The following TTC13 variants were observed in gnomAD, a reference collection of about 807,000 sequenced individuals.
TTC13 encodes tetratricopeptide repeat domain 13, also known as tetratricopeptide repeat protein 13.
TTC13 carries 62 observed loss-of-function variants against 120.0 expected under a neutral mutation model. That is an observed-to-expected ratio of 0.52 (90% confidence interval 0.42 to 0.64). The LOEUF (loss-of-function observed/expected upper bound fraction) is 0.64. TTC13 is among the 30% of genes least tolerant of loss of function. TTC13 has a pLI of 0.00. For missense variants in TTC13, 824 were observed against 1,050.2 expected (o/e 0.78, Z 2.98); for synonymous variants, 384 against 393.5 (o/e 0.98, Z 0.28).
In TTC13 at chr1:230,925,590, A is replaced by G; in HGVS notation, c.1515T>C (p.Cys505=). The G allele has an allele frequency of 6.2e-7, 1 of 1,614,158 alleles. No individual in the cohort carries two copies. The highest frequency in any genetic ancestry group is 8.5e-7 in the Non-Finnish European group (1 of 1,180,000). The change falls in exon 13 of 23, where the codon TGT becomes TGC. Residue 505 remains cysteine (C), a synonymous_variant. Transcript: ENST00000366661. ...SYKPEVQELI[C]VADRLGSLMQ... is the part of the protein sequence containing the mutation. ...TCAGGGATCCCAAACGATCAGCCACACAAATCAGCTCCTGTACTTCAGGCT... is the reference window on the plus strand; with the variant it reads ...TCAGGGATCCCAAACGATCAGCCACGCAAATCAGCTCCTGTACTTCAGGCT...
At chr1:230,914,811 T>C (rs1044195028) in intron 18 of TTC13, among the ~76,000 whole-genome samples, 2 of 152,218 alleles carry the variant, frequency 1.3e-5, no homozygotes, top group African/African-American at 4.8e-5. Context: ...GTAAGGCTTC[T>C]GGTCAACAGT....
rs927472760 is a variant in TTC13, at chr1:230,938,126, G to T, written c.900+1260C>A. On this transcript the variant is annotated intron_variant, in intron 8 of 22. Transcript: ENST00000366661. Reference sequence around the variant, plus strand: ...CAATAATAAAATGTCTGTTCTTTCTGCAGAATACATATCCCTGCCACACAT... The same window carrying T: ...CAATAATAAAATGTCTGTTCTTTCTTCAGAATACATATCCCTGCCACACAT... Among the ~76,000 whole-genome samples the T allele has an allele frequency of 3.3e-5, 5 of 152,202 alleles. No homozygotes were observed. In the East Asian group the frequency reaches 9.6e-4, roughly 29 times the overall value.
At position 230,909,001 on chromosome 1, in the gene TTC13, T is replaced by C. The variant is rs758413121; in HGVS notation, c.2329A>G (p.Ile777Val). 1 of 1,614,248 alleles carries C rather than the reference T, an allele frequency of 6.2e-7. No individual in the cohort carries two copies. Among genetic ancestry groups the C allele is most frequent in the Non-Finnish European group, 8.5e-7 (1 of 1,180,038 alleles). Reference sequence around the variant, plus strand: ...CCACTTGCCATCAGTGCTCCCACGATGACCGAGTAAGCAATTACACTATTT... The same window carrying C: ...CCACTTGCCATCAGTGCTCCCACGACGACCGAGTAAGCAATTACACTATTT... ...RGSSVIAYSVIVGALMASGKE... is the reference protein window; with the variant it reads ...RGSSVIAYSVVVGALMASGKE... The change falls in exon 21 of 23, where the codon ATC becomes GTC. Residue 777 changes from isoleucine to valine, a missense_variant. Coordinates refer to ENST00000366661, the MANE Select transcript of TTC13 (RefSeq NM_024525.5).
chr1:230,930,213 C>A (rs970274332), intron 11 of TTC13, among the ~76,000 whole-genome samples: 8 of 152,198 alleles, frequency 5.3e-5, no homozygotes, highest in Non-Finnish European at 1.2e-4. Flanking sequence ...AGACTTAGTA[C>A]AACAAATAAT....
In TTC13 at chr1:230,978,603, C is replaced by G. The variant is rs1420514751; in HGVS notation, c.228G>C (p.Pro76=). ...ACTGGTCCCCCCAGTCCCCGGACTG[C>G]GGGCTGCAGCCGCCGCCGCCCGCCG... ...EAPAGGGGCS[P]QSGDWGDQYS... is the part of the protein sequence containing the mutation. The change falls in exon 1 of 23, where the codon CCG becomes CCC. Residue 76 remains proline (P), a synonymous_variant. Coordinates refer to ENST00000366661, the MANE Select transcript of TTC13 (RefSeq NM_024525.5). This position sits in a 1 kb window ranked among gnomAD's most constrained non-coding sequence, Gnocchi z 5.6. 7.1e-7 allele frequency: 1 copy of G among 1,412,518 alleles called. No homozygotes were observed. The highest frequency in any genetic ancestry group is 1.5e-5 in the African/African-American group (1 of 66,948). The allele number at this position is 1,412,518 out of a possible 1,614,324, so 87.5% of individuals were successfully genotyped here.
At chr1:230,914,640 G>A (rs113709834) in intron 18 of TTC13, among the ~76,000 whole-genome samples, 222 of 152,218 alleles carry the variant, frequency 1.5e-3, no homozygotes, top group African/African-American at 3.3e-3. Flanking sequence ...TGATCCGCCC[G>A]CCTTGGGCTC....
In TTC13 at chr1:230,944,528, T is replaced by C. The variant is rs1674807145; in HGVS notation, c.580-630A>G. On this transcript the variant is annotated intron_variant, in intron 5 of 22. Coordinates refer to ENST00000366661, the MANE Select transcript of TTC13 (RefSeq NM_024525.5). The surrounding 1 kb of genome is among the most constrained non-coding windows in gnomAD (Gnocchi z 4.0). Reference sequence around the variant, plus strand: ...TCTGAGTAAAATATCATTTCCTTCCTAAGCACTTCCATCATTCCCAATTCT... The same window carrying C: ...TCTGAGTAAAATATCATTTCCTTCCCAAGCACTTCCATCATTCCCAATTCT... Among the ~76,000 whole-genome samples, 1 of 152,190 alleles carries C rather than the reference T, an allele frequency of 6.6e-6. No homozygotes were observed. The highest frequency in any genetic ancestry group is 2.4e-5 in the African/African-American group (1 of 41,446).
At chr1:230,931,098 G>C (rs1673508115) in intron 11 of TTC13, among the ~76,000 whole-genome samples, 200 bp downstream of exon 11, 1 of 152,130 alleles carries the variant, frequency 6.6e-6, no homozygotes, top group Non-Finnish European at 1.5e-5. Flanking sequence ...TGTTAAAAGT[G>C]GTAGAAAATG....
At chr1:230,964,983 G>C (rs958462293) in intron 1 of TTC13, among the ~76,000 whole-genome samples, 1 of 152,074 alleles carries the variant, frequency 6.6e-6, no homozygotes, top group Non-Finnish European at 1.5e-5. Flanking sequence ...AAATCTAAAT[G>C]GATTAAAGAC....
intron 12 of TTC13, among the ~76,000 whole-genome samples, chr1:230,926,933 A>G (rs1166860241): frequency 6.6e-6 from 1 of 152,206 alleles, no homozygotes; most frequent in Non-Finnish European, 1.5e-5. Context: ...GGTTTGTTAC[A>G]TACATGTATA....
At chr1:230,920,458 T>C (rs571304203) in intron 17 of TTC13, 52 bp downstream of exon 17, 1 of 1,300,526 alleles carries the variant, frequency 7.7e-7, no homozygotes, top group South Asian at 1.2e-5. Flanking sequence ...AAAGTGCTGT[T>C]GGTTTTCTTT....
chr1:230,908,626 G>T, intron 22 of TTC13, 86 bp downstream of exon 22: 1 of 1,059,308 alleles, frequency 9.4e-7, no homozygotes, highest in Non-Finnish European at 1.4e-6. Context: ...AACAGTTCCA[G>T]TTTTCATAGC....
At chr1:230,974,228 C>T (rs112979967) in intron 1 of TTC13, among the ~76,000 whole-genome samples, 101 of 152,292 alleles carry the variant, frequency 6.6e-4, no homozygotes, top group African/African-American at 2.2e-3. Flanking sequence ...TAAGTCTCAG[C>T]TCAAATGTCT....
intron 20 of TTC13, among the ~76,000 whole-genome samples, chr1:230,909,381 A>C (rs2102724693): frequency 6.6e-6 from 1 of 152,316 alleles, no homozygotes; most frequent in South Asian, 2.1e-4. Flanking sequence ...CTGTAATCCC[A>C]GCACTTTGGG....
In TTC13 at chr1:230,978,108, G is replaced by C. The variant is rs1031382968; in HGVS notation, c.271+452C>G. On this transcript the variant is annotated intron_variant, in intron 1 of 22. Coordinates refer to ENST00000366661, the MANE Select transcript of TTC13 (RefSeq NM_024525.5). This position sits in a 1 kb window ranked among gnomAD's most constrained non-coding sequence, Gnocchi z 5.6. ...GGGAGGTCAGGAAGCCTGATTTCCA[G>C]GCCTAAGATGTGCCAGGCGTCTCCC... 6.6e-6 allele frequency among the ~76,000 whole-genome samples: 1 copy of C among 152,232 alleles called. No homozygotes were observed. Among genetic ancestry groups the C allele is most frequent in the Non-Finnish European group, 1.5e-5 (1 of 68,038 alleles).
At position 230,978,664 on chromosome 1, in the gene TTC13, T is replaced by C; in HGVS notation, c.167A>G (p.Lys56Arg). The change falls in exon 1 of 23, where the codon AAG becomes AGG. Residue 56 changes from lysine (K) to arginine (R), a missense_variant. Lys to Arg is a conservative substitution (Grantham distance 26). Transcript: ENST00000366661. This position sits in a 1 kb window ranked among gnomAD's most constrained non-coding sequence, Gnocchi z 5.6. ...CTGCTGCCGGTGCTGCAGCTCCTGCTTGAGCAGGGAGAGCGGCGAGTAGTG... is the reference window on the plus strand; with the variant it reads ...CTGCTGCCGGTGCTGCAGCTCCTGCCTGAGCAGGGAGAGCGGCGAGTAGTG... ...TEHYSPLSLLKQELQHRQQQE... is the reference protein window; with the variant it reads ...TEHYSPLSLLRQELQHRQQQE... The C allele has an allele frequency of 6.7e-7, 1 of 1,484,102 alleles. No homozygotes were observed. The highest frequency in any genetic ancestry group is 8.9e-7 in the Non-Finnish European group (1 of 1,125,460). 91.9% of individuals were successfully genotyped at this position (1,484,102 alleles called of 1,614,324 possible).
rs369762782 is a variant in TTC13 at position 230,972,840 on chromosome 1, T to C, written c.271+5720A>G. Among the ~76,000 whole-genome samples, 37 of 152,330 alleles carry C rather than the reference T, an allele frequency of 2.4e-4. No homozygotes were observed. In the South Asian group the frequency reaches 7.5e-3, roughly 31 times the overall value. The stretch of plus-strand genomic sequence containing the variant: ...TAGGCTGCCATCGTCATAGGGCTTA[T>C]GCTATAAAATGCTACTTCTAAACCA... On this transcript the variant is annotated intron_variant, in intron 1 of 22. Coordinates refer to ENST00000366661, the MANE Select transcript of TTC13 (RefSeq NM_024525.5).
At chr1:230,917,527 A>G (rs1672154599) in intron 17 of TTC13, among the ~76,000 whole-genome samples, 1 of 152,186 alleles carries the variant, frequency 6.6e-6, no homozygotes, top group Non-Finnish European at 1.5e-5. Flanking sequence ...AAACACTCAA[A>G]TATCTTGTTG....
chr1:230,924,442 C>G (rs1263794034), intron 14 of TTC13, among the ~76,000 whole-genome samples: 3 of 152,206 alleles, frequency 2.0e-5, no homozygotes, highest in Admixed American at 6.5e-5. Context: ...ACGCCATTCT[C>G]CTGCCTCAGC....
Sources: gnomAD v4.1 joint callset for allele counts (sites outside exome capture counted in the v4.1 genomes callset) on GRCh38, gnomAD v4.1.1 for gene constraint, Gnocchi (gnomAD v3.1) non-coding constraint, MANE v1.5 for transcripts, NCBI Gene and HGNC (gene_info 2026-07-23, HGNC 2026-07-21) for gene names.